ALG14: variants seen among roughly 807,000 people sequenced by gnomAD.
The protein encoded by ALG14 is UDP-N-acetylglucosamine transferase subunit ALG14.
In ALG14, 17 loss-of-function variants were observed where a neutral mutation model predicts 22.8. The observed-to-expected ratio is 0.75, with a 90% CI of 0.51 to 1.12. ALG14 has a LOEUF of 1.12. Among genes scored for constraint, ALG14 ranks in the 50% most tolerant of loss-of-function variants. The pLI is 0.00. For missense variants in ALG14, 288 were observed against 271.8 expected (o/e 1.06, Z -0.42); for synonymous variants, 89 against 103.7 (o/e 0.86, Z 0.86).
intron 2 of ALG14, among the ~76,000 whole-genome samples, chr1:95,049,651 C>T (rs571059253): frequency 5.3e-5 from 8 of 152,218 alleles, no homozygotes; most frequent in Non-Finnish European, 1.0e-4. Context: ...GCAGGCAGAT[C>T]ATTTGAGCTC....
chr1:95,026,221 C>T (rs375247970), intron 3 of ALG14, among the ~76,000 whole-genome samples: 31 of 152,190 alleles, frequency 2.0e-4, no homozygotes, highest in African/African-American at 4.3e-4. Context: ...TGTGAGCCAC[C>T]GCACCCAGCC....
intron 3 of ALG14, among the ~76,000 whole-genome samples, chr1:94,996,664 A>G (rs1672916368): frequency 1.3e-5 from 2 of 152,098 alleles, no homozygotes. Flanking sequence ...TTCCCTAATA[A>G]TCTGTTAACA....
intron 3 of ALG14, chr1:95,022,392 C>T: frequency 3.0e-6 from 3 of 984,784 alleles, no homozygotes; most frequent in Non-Finnish European, 3.6e-6. Flanking sequence ...TTGTCAGTCA[C>T]AAGAAACCAG....
chr1:95,028,503 A>G (rs1363999133), intron 2 of ALG14, among the ~76,000 whole-genome samples: 2 of 152,282 alleles, frequency 1.3e-5, no homozygotes, highest in Non-Finnish European at 2.9e-5. Flanking sequence ...TCGGCCATGC[A>G]TTAGTATTTT....
intron 2 of ALG14, among the ~76,000 whole-genome samples, chr1:95,060,553 A>T (rs1411010214): frequency 1.5e-4 from 17 of 110,992 alleles, no homozygotes; most frequent in African/African-American, 4.8e-4. Context: ...TGTCTCTATT[A>T]AAAAAAAAAA....
At chr1:95,071,772 T>C (rs542002148) in intron 1 of ALG14, among the ~76,000 whole-genome samples, 1 of 152,322 alleles carries the variant, frequency 6.6e-6, no homozygotes, top group East Asian at 1.9e-4. Context: ...AGCTGTCTGT[T>C]TTTTAAGACC....
At chr1:94,986,967 C>T (rs1258163350) in intron 3 of ALG14, among the ~76,000 whole-genome samples, 2 of 152,124 alleles carry the variant, frequency 1.3e-5, no homozygotes, top group Non-Finnish European at 2.9e-5. Context: ...CAGGGAAGAG[C>T]ACACAGTCCA....
In ALG14 at chr1:95,052,898, T is replaced by C. The variant is rs185812428; in HGVS notation, c.288+11968A>G. Among the ~76,000 whole-genome samples, 38 of 145,238 alleles carry C rather than the reference T, an allele frequency of 2.6e-4. 1 individual carries two copies. The highest frequency in any genetic ancestry group is 7.3e-3 in the Middle Eastern group (2 of 274). ...AAGAGTAATGTCTAAGAGAATAGTA[T>C]AATTTCCATTTCCAAATGAAAGGAG... On this transcript the variant is annotated intron_variant, in intron 2 of 3. Coordinates refer to ENST00000370205, the MANE Select transcript of ALG14 (RefSeq NM_144988.4).
At chr1:94,996,983 G>C (rs1298298059) in intron 3 of ALG14, among the ~76,000 whole-genome samples, 2 of 152,044 alleles carry the variant, frequency 1.3e-5, no homozygotes, top group Non-Finnish European at 2.9e-5. Flanking sequence ...GCACCCAGCT[G>C]TTAACATTTT....
chr1:95,046,740 A>G (rs1189961433), intron 2 of ALG14, among the ~76,000 whole-genome samples: 2 of 152,260 alleles, frequency 1.3e-5, no homozygotes, highest in Non-Finnish European at 2.9e-5. Flanking sequence ...ATACTACAGC[A>G]TTTAGTGAAA....
chr1:94,991,154 T>C (rs1672761803), intron 3 of ALG14, among the ~76,000 whole-genome samples: 1 of 152,258 alleles, frequency 6.6e-6, no homozygotes, highest in African/African-American at 2.4e-5. Context: ...AAAGATAATA[T>C]GACAGGTATT....
At chr1:95,058,996 G>A (rs1286112582) in intron 2 of ALG14, among the ~76,000 whole-genome samples, 5 of 151,736 alleles carry the variant, frequency 3.3e-5, no homozygotes, top group East Asian at 2.0e-4. Flanking sequence ...TAAGGTTTTT[G>A]GCTATATTTA....
intron 2 of ALG14, among the ~76,000 whole-genome samples, chr1:95,052,515 A>T (rs1167687746): frequency 1.3e-5 from 2 of 152,182 alleles, no homozygotes; most frequent in Non-Finnish European, 2.9e-5. Flanking sequence ...GAGGATGGAG[A>T]TATTATATTT....
At chr1:95,010,321 G>C (rs1673328867) in intron 3 of ALG14, among the ~76,000 whole-genome samples, 2 of 152,126 alleles carry the variant, frequency 1.3e-5, no homozygotes, top group African/African-American at 4.8e-5. Flanking sequence ...ATTGCTCTCT[G>C]AGTTCTGACA....
intron 3 of ALG14, among the ~76,000 whole-genome samples, chr1:94,984,168 T>C (rs1049294637): frequency 7.9e-5 from 12 of 152,248 alleles, no homozygotes; most frequent in Admixed American, 3.9e-4. Flanking sequence ...TCATGTTGAC[T>C]GAATTAGTAA....
intron 2 of ALG14, among the ~76,000 whole-genome samples, chr1:95,046,081 T>C (rs887654511): frequency 1.3e-5 from 2 of 151,774 alleles, no homozygotes; most frequent in Non-Finnish European, 2.9e-5. Flanking sequence ...GAGTAAATTA[T>C]TGAAAAATAT....
At position 95,068,171 on chromosome 1, in the gene ALG14, T is replaced by C. The variant is rs142388174; in HGVS notation, c.137-3154A>G. On this transcript the variant is annotated intron_variant, in intron 1 of 3. Coordinates refer to ENST00000370205, the MANE Select transcript of ALG14 (RefSeq NM_144988.4). Reference sequence around the variant, plus strand: ...CTGCTGTACCTCCTATTCCTAGAAATAGCAGGCTGTCCTATTGAATGAAAG... The same window carrying C: ...CTGCTGTACCTCCTATTCCTAGAAACAGCAGGCTGTCCTATTGAATGAAAG... Among the ~76,000 whole-genome samples the C allele has an allele frequency of 3.5e-3, 528 of 152,336 alleles. 4 individuals are homozygous for C. The highest frequency in any genetic ancestry group is 0.012 in the African/African-American group (502 of 41,574).
At chr1:95,041,307 T>C (rs1674370403) in intron 2 of ALG14, among the ~76,000 whole-genome samples, 1 of 152,216 alleles carries the variant, frequency 6.6e-6, no homozygotes, top group East Asian at 1.9e-4. Flanking sequence ...AAGCCACCAG[T>C]TGTAATATAC....
chr1:95,072,347 A>G (rs1675593426), intron 1 of ALG14, among the ~76,000 whole-genome samples: 1 of 152,144 alleles, frequency 6.6e-6, no homozygotes, highest in Non-Finnish European at 1.5e-5. Flanking sequence ...TGGACTTTGT[A>G]TATTTATAAA....
Sources: allele counts gnomAD v4.1 joint callset (sites outside exome capture counted in the v4.1 genomes callset), GRCh38; gene constraint gnomAD v4.1.1; transcripts MANE v1.5; gene names NCBI Gene and HGNC (gene_info 2026-07-23, HGNC 2026-07-21).